Variants in CAMSAP1 observed in about 807,000 individuals in gnomAD.
The protein encoded by CAMSAP1 is calmodulin-regulated spectrin-associated protein 1.
CAMSAP1 carries 58 observed loss-of-function variants against 143.5 expected under a neutral mutation model. The observed-to-expected ratio is 0.40, with a 90% CI of 0.33 to 0.50. CAMSAP1 has a LOEUF of 0.50. Among genes scored for constraint, CAMSAP1 ranks in the 20% least tolerant of loss-of-function variants. The pLI is 0.45. For missense variants in CAMSAP1, 1,969 were observed against 2,115.7 expected, an observed-to-expected ratio of 0.93 and a Z score of 1.36; for synonymous variants, 945 against 859.3, an observed-to-expected ratio of 1.10 and a Z score of -1.74.
At chr9:135,828,022 G>T (rs1034559604) in intron 7 of CAMSAP1, among the ~76,000 whole-genome samples, 3 of 152,270 alleles carry the variant, frequency 2.0e-5, no homozygotes, top group Admixed American at 6.5e-5. Flanking sequence ...GCCAGTGAGG[G>T]ACCGAGGCAG....
chr9:135,824,741 C>A lies in CAMSAP1; in HGVS notation c.1315+48G>T. 8.3e-7 allele frequency: 1 copy of A among 1,200,326 alleles called. No homozygotes were observed. Among genetic ancestry groups the A allele is most frequent in the South Asian group, 1.5e-5 (1 of 68,232 alleles). The allele number at this position is 1,200,326 out of a possible 1,614,324, so 74.4% of individuals were successfully genotyped here. A position where few individuals can be genotyped will look rare whatever the true frequency, so the allele number is the denominator to read the frequency against. Reference sequence around the variant, plus strand: ...TTTTGAGAAATATGATTTTACTAATCTATAGTAAGGAGAAATTAAGGAAAA... The same window carrying A: ...TTTTGAGAAATATGATTTTACTAATATATAGTAAGGAGAAATTAAGGAAAA... On this transcript the variant is annotated intron_variant, in intron 9 of 16. Transcript: ENST00000389532. The surrounding 1 kb of genome is among the most constrained non-coding windows in gnomAD (Gnocchi z 4.1).
rs959982378 is a variant in CAMSAP1, at chr9:135,826,832, C to A, written c.1223+575G>T. On this transcript the variant is annotated intron_variant, in intron 8 of 16. Transcript: ENST00000389532. This position sits in a 1 kb window ranked among gnomAD's most constrained non-coding sequence, Gnocchi z 4.4. Reference sequence around the variant, plus strand: ...TTCACCCCCTCCCCCAATTCTGGCACAGTCAATTCTACCCCAGATATGGTT... The same window carrying A: ...TTCACCCCCTCCCCCAATTCTGGCAAAGTCAATTCTACCCCAGATATGGTT... Among the ~76,000 whole-genome samples, 3 of 152,204 alleles carry A rather than the reference C, an allele frequency of 2.0e-5. No individual in the cohort carries two copies. The highest frequency in any genetic ancestry group is 7.2e-5 in the African/African-American group (3 of 41,438).
In CAMSAP1 at chr9:135,814,563, T is replaced by G. The variant is rs1480459950; in HGVS notation, c.4506+534A>C. Among the ~76,000 whole-genome samples, 3 of 152,152 alleles carry G rather than the reference T, an allele frequency of 2.0e-5. No homozygotes were observed. In the East Asian group the frequency reaches 5.8e-4, roughly 29 times the overall value. ...CAAGCCCCTCCCTGGGCATGCACACTGGGTGCTCCGGAGTCCACACGCTCA... is the reference window on the plus strand; with the variant it reads ...CAAGCCCCTCCCTGGGCATGCACACGGGGTGCTCCGGAGTCCACACGCTCA... On this transcript the variant is annotated intron_variant, in intron 16 of 16. Transcript: ENST00000389532.
intron 15 of CAMSAP1, among the ~76,000 whole-genome samples, 165 bp from the exon 16 acceptor site, chr9:135,815,380 G>A (rs1351803942): frequency 3.3e-5 from 5 of 152,092 alleles, no homozygotes; most frequent in African/African-American, 9.7e-5. Flanking sequence ...TTATTCAAAA[G>A]AATTTTAAGT....
chr9:135,843,876 A>C (rs1253357176), intron 7 of CAMSAP1, among the ~76,000 whole-genome samples: 14 of 113,570 alleles, frequency 1.2e-4, no homozygotes, highest in South Asian at 3.0e-4. Context: ...TCCGTCTCAA[A>C]AAAAAAAAAA....
intron 7 of CAMSAP1, 167 bp downstream of exon 7, chr9:135,849,969 CT>C: frequency 1.9e-6 from 1 of 527,636 alleles, no homozygotes; most frequent in Non-Finnish European, 3.3e-6. Context: ...ATCAAAATCA[CT>C]TAGAAAGCCT....
chr9:135,870,835 T>A (rs1188837238), intron 3 of CAMSAP1, among the ~76,000 whole-genome samples: 1 of 152,136 alleles, frequency 6.6e-6, no homozygotes, highest in Admixed American at 6.5e-5. Context: ...ATCCACTGAC[T>A]AGTACATTTT....
At chr9:135,873,917 G>GA (rs1268196648) in intron 3 of CAMSAP1, among the ~76,000 whole-genome samples, 5 of 151,526 alleles carry the variant, frequency 3.3e-5, no homozygotes, top group African/African-American at 2.4e-5. Context: ...TACATCATGA[G>GA]AAAAAAAACT....
rs1375289220 is a variant in CAMSAP1 at position 135,818,453 on chromosome 9, G to C, written c.4123C>G (p.Arg1375Gly). 1 of 1,601,138 alleles carries C rather than the reference G, an allele frequency of 6.2e-7. No individual in the cohort carries two copies. The highest frequency in any genetic ancestry group is 1.1e-5 in the South Asian group (1 of 89,710). Residue 1375 changes from arginine (R) to glycine (G), a missense_variant, in exon 13 of 17, where the codon CGG becomes GGG. By Grantham distance (125) the Arg-to-Gly change is moderately radical (BLOSUM62 -2). Around this residue, in one of 4 missense-constraint regions of CAMSAP1, gnomAD observed 1,390 missense variants for 1,420.8 expected, o/e 0.98. Coordinates refer to ENST00000389532, the MANE Select transcript of CAMSAP1 (RefSeq NM_015447.4). The surrounding 1 kb of genome is among the most constrained non-coding windows in gnomAD (Gnocchi z 7.7). The stretch of plus-strand genomic sequence containing the variant: ...CCGGAGTCGCTGCACGACTCTTCCC[G>C]GTGCACCGACTTCGGCCGCGGCTTC... ...PKKPRPKSVH[R>G]EESCSDSGTK...
intron 3 of CAMSAP1, among the ~76,000 whole-genome samples, chr9:135,880,084 A>G (rs1405297499): frequency 6.6e-6 from 1 of 152,130 alleles, no homozygotes; most frequent in Admixed American, 6.5e-5. Context: ...TAGTTTCTAC[A>G]TTTTCTATAA....
chr9:135,906,014 T>G (rs750429127), intron 1 of CAMSAP1, among the ~76,000 whole-genome samples: 1 of 152,220 alleles, frequency 6.6e-6, no homozygotes, highest in Non-Finnish European at 1.5e-5. Flanking sequence ...TCTTTCCCAA[T>G]TACTACTTAC....
At chr9:135,898,998 A>G (rs941704061) in intron 1 of CAMSAP1, among the ~76,000 whole-genome samples, 1 of 118,812 alleles carries the variant, frequency 8.4e-6, no homozygotes, top group South Asian at 2.6e-4. Context: ...TAGCCATACC[A>G]TGGAATATTA....
intron 7 of CAMSAP1, among the ~76,000 whole-genome samples, chr9:135,829,785 G>A (rs185459302): frequency 1.3e-4 from 20 of 152,058 alleles, no homozygotes; most frequent in Non-Finnish European, 2.2e-4. Flanking sequence ...CCCGTGAGGC[G>A]GAGGTTGCAG....
chr9:135,892,728 G>A (rs1016582026), intron 1 of CAMSAP1, among the ~76,000 whole-genome samples: 7 of 151,224 alleles, frequency 4.6e-5, no homozygotes, highest in Admixed American at 4.0e-4. Flanking sequence ...GCATGCGCCT[G>A]TAATCCCAGC....
rs1473876966 is a variant in CAMSAP1 at position 135,820,873 on chromosome 9, C to A, written c.3788G>T (p.Gly1263Val). 8 of 1,613,452 alleles carry A rather than the reference C, an allele frequency of 5.0e-6. No homozygotes were observed. Among genetic ancestry groups the A allele is most frequent in the Non-Finnish European group, 5.1e-6 (6 of 1,179,894 alleles). ...LDGSADLVSEGDQKPGVGFFF... is the reference protein window; with the variant it reads ...LDGSADLVSEVDQKPGVGFFF... ...GAAGCCGACCCCCGGCTTCTGGTCG[C>A]CTTCGCTGACAAGGTCCGCCGAGCC... Residue 1263 changes from glycine to valine, a missense_variant, in exon 11 of 17, where the codon GGC becomes GTC. Gly to Val is a moderately radical substitution (Grantham distance 109). Around this residue, in one of 4 missense-constraint regions of CAMSAP1, gnomAD observed 1,390 missense variants for 1,420.8 expected, o/e 0.98. Coordinates refer to ENST00000389532, the MANE Select transcript of CAMSAP1 (RefSeq NM_015447.4). The surrounding 1 kb of genome is among the most constrained non-coding windows in gnomAD (Gnocchi z 4.4).
At chr9:135,867,605 C>T (rs1015158407) in intron 3 of CAMSAP1, among the ~76,000 whole-genome samples, 6 of 151,838 alleles carry the variant, frequency 4.0e-5, no homozygotes, top group African/African-American at 1.5e-4. Context: ...CACGTAAAAA[C>T]ACATCCTTCT....
intron 5 of CAMSAP1, among the ~76,000 whole-genome samples, chr9:135,853,889 C>T (rs1428104331): frequency 2.0e-5 from 3 of 152,228 alleles, no homozygotes; most frequent in Non-Finnish European, 2.9e-5. Flanking sequence ...CCCAGAGCCA[C>T]GATCAGAAGG....
In CAMSAP1 at chr9:135,818,627, C is replaced by T. The variant is rs1200452269; in HGVS notation, c.3960-11G>A. 6.2e-7 allele frequency: 1 copy of T among 1,612,330 alleles called. No homozygotes were observed. Among genetic ancestry groups the T allele is most frequent in the East Asian group, 2.2e-5 (1 of 44,852 alleles). ...TCCTCAGCTTTGCGCCTGAGAGAAA[C>T]ACACGCCCAGACACTGCTCGGTCAC... On this transcript the variant is annotated splice_polypyrimidine_tract_variant and intron_variant, in intron 12 of 16. Coordinates refer to ENST00000389532, the MANE Select transcript of CAMSAP1 (RefSeq NM_015447.4). This position sits in a 1 kb window ranked among gnomAD's most constrained non-coding sequence, Gnocchi z 7.7.
At chr9:135,895,950 A>G (rs548267483) in intron 1 of CAMSAP1, among the ~76,000 whole-genome samples, 2 of 152,358 alleles carry the variant, frequency 1.3e-5, no homozygotes, top group East Asian at 1.9e-4. Context: ...TTAACCAATA[A>G]GAAGTCAAGA....
Sources: gnomAD v4.1 joint callset for allele counts (sites outside exome capture counted in the v4.1 genomes callset) on GRCh38, gnomAD v4.1.1 for gene constraint, gnomAD v4.1.1 regional missense constraint, Gnocchi (gnomAD v3.1) non-coding constraint, MANE v1.5 for transcripts, NCBI Gene and HGNC (gene_info 2026-07-23, HGNC 2026-07-21) for gene names.